USH2A: variants seen among roughly 807,000 people sequenced by gnomAD.
USH2A encodes the protein usherin.
USH2A carries 443 observed loss-of-function variants against 538.9 expected under a neutral mutation model. The ratio of observed to expected loss-of-function variants is 0.82; its 90% CI spans 0.76 to 0.89. The LOEUF (loss-of-function observed/expected upper bound fraction) is 0.89. Among genes scored for constraint, USH2A ranks in the 40% least tolerant of loss-of-function variants. The probability of loss-of-function intolerance (pLI) is 0.00; values close to 1 mark genes in which losing one functional copy is unlikely to be tolerated. For missense variants in USH2A, 6,633 were observed against 6,324.8 expected (o/e 1.05, Z -1.65); for synonymous variants, 2,413 against 2,273.5 (o/e 1.06, Z -1.75).
In USH2A at chr1:216,323,519, A is replaced by C; in HGVS notation, c.1505T>G (p.Leu502Arg). The change falls in exon 8 of 72, where the codon CTC becomes CGC. Residue 502 changes from leucine to arginine, a missense_variant. By Grantham distance (102) the Leu-to-Arg change is moderately radical. Coordinates refer to ENST00000307340, the MANE Select transcript of USH2A (RefSeq NM_206933.4). The part of the protein sequence containing the change: ...QYYTTETAVN[L>R]RHRYYAVDEI... Reference sequence around the variant, plus strand: ...GTCCACTGCATAATATCTGTGTCTGAGGTTAACAGCAGTCTCAGTTGTATA... The same window carrying C: ...GTCCACTGCATAATATCTGTGTCTGCGGTTAACAGCAGTCTCAGTTGTATA... The C allele has an allele frequency of 6.2e-7, 1 of 1,613,476 alleles. No individual in the cohort carries two copies. Among genetic ancestry groups the C allele is most frequent in the Non-Finnish European group, 8.5e-7 (1 of 1,179,716 alleles).
chr1:216,389,644 T>C (rs1471818140), intron 3 of USH2A, among the ~76,000 whole-genome samples: 1 of 152,184 alleles, frequency 6.6e-6, no homozygotes, highest in African/African-American at 2.4e-5. Flanking sequence ...GAGATTTATA[T>C]GCTATAAAGA....
intron 67 of USH2A, among the ~76,000 whole-genome samples, chr1:215,645,345 C>T (rs1275307837): frequency 6.6e-6 from 1 of 152,108 alleles, no homozygotes; most frequent in African/African-American, 2.4e-5. Context: ...AGAGTAATTA[C>T]TGCACTTACT....
At chr1:215,752,872 C>A (rs959724046) in intron 58 of USH2A, among the ~76,000 whole-genome samples, 1 of 152,118 alleles carries the variant, frequency 6.6e-6, no homozygotes, top group African/African-American at 2.4e-5. Context: ...AGTGAACAGG[C>A]AACCTACAGA....
At chr1:215,826,480 A>G (rs4545310) in intron 47 of USH2A, among the ~76,000 whole-genome samples, 56,601 of 152,094 alleles carry the variant, frequency 0.37, 11,143 homozygotes, top group Admixed American at 0.51. Flanking sequence ...AATAGGAAAG[A>G]AAGAGTAAGA....
At chr1:215,676,413 A>T (rs1658029533) in intron 62 of USH2A, among the ~76,000 whole-genome samples, 1 of 152,032 alleles carries the variant, frequency 6.6e-6, no homozygotes, top group South Asian at 2.1e-4. Context: ...TTGAACAGTG[A>T]TTTTCCAACC....
chr1:216,379,118 T>C lies in USH2A; in HGVS notation c.652-14033A>G, dbSNP rs2038887848. Among the ~76,000 whole-genome samples the C allele has an allele frequency of 2.0e-5, 3 of 152,144 alleles. No homozygotes were observed. The South Asian group carries it at 6.2e-4, about 31-fold the overall frequency. On this transcript the variant is annotated intron_variant, in intron 3 of 71. Transcript: ENST00000307340. ...CTTTCCACTCGCTGATGCCTGGTGA[T>C]GGGAAAGAGCATGAGAAGCTGACCC... is the stretch of plus-strand genomic sequence containing the variant.
At chr1:215,661,992 A>G (rs1657450386) in intron 64 of USH2A, among the ~76,000 whole-genome samples, 1 of 152,232 alleles carries the variant, frequency 6.6e-6, no homozygotes, top group Non-Finnish European at 1.5e-5. Context: ...TGACTTATCA[A>G]CTATAATTTA....
chr1:216,004,782 A>G (rs546503120), intron 32 of USH2A, among the ~76,000 whole-genome samples: 25 of 152,156 alleles, frequency 1.6e-4, no homozygotes, highest in Non-Finnish European at 3.4e-4. Context: ...AAAGAGAAAA[A>G]AATTGCTGGA....
intron 3 of USH2A, among the ~76,000 whole-genome samples, chr1:216,388,416 C>G (rs2039043909): frequency 6.6e-6 from 1 of 152,140 alleles, no homozygotes; most frequent in Non-Finnish European, 1.5e-5. Context: ...GTTGTTGCTG[C>G]TAGTAACCAA....
rs113475278 is a variant in USH2A at position 215,642,661 on chromosome 1, C to T, written c.14792-1927G>A. 1.6e-3 allele frequency among the ~76,000 whole-genome samples: 247 copies of T among 152,230 alleles called. 1 individual carries two copies. The highest frequency in any genetic ancestry group is 5.7e-3 in the African/African-American group (237 of 41,540). On this transcript the variant is annotated intron_variant, in intron 67 of 71. Transcript: ENST00000307340. ...TACATTTTACTACCGTCTGTGTGCT[C>T]GAGGTCATTTACATCCACTCTATCT...
At chr1:216,190,892 C>T (rs1178393446) in intron 19 of USH2A, among the ~76,000 whole-genome samples, 6 of 151,948 alleles carry the variant, frequency 3.9e-5, no homozygotes, top group Admixed American at 3.9e-4. Flanking sequence ...ACTGAGCATC[C>T]ACGTTAAGTC....
At chr1:215,824,634 G>A (rs1189873533) in intron 47 of USH2A, among the ~76,000 whole-genome samples, 1 of 152,108 alleles carries the variant, frequency 6.6e-6, no homozygotes, top group Non-Finnish European at 1.5e-5. Flanking sequence ...TTCCAGGGCT[G>A]GTGATGGTAG....
At chr1:216,422,844 C>T (rs1037379668) in intron 1 of USH2A, among the ~76,000 whole-genome samples, 7 of 151,128 alleles carry the variant, frequency 4.6e-5, no homozygotes, top group Non-Finnish European at 1.0e-4. Flanking sequence ...TAATATATTA[C>T]ACATACAATA....
At chr1:216,231,385 C>A (rs1193617575) in intron 14 of USH2A, among the ~76,000 whole-genome samples, 1 of 146,856 alleles carries the variant, frequency 6.8e-6, no homozygotes, top group Non-Finnish European at 1.5e-5. Context: ...TCCAGACTCT[C>A]AGCTTTTTGA....
chr1:216,358,259 A>G (rs2038424605), intron 4 of USH2A, among the ~76,000 whole-genome samples: 2 of 152,182 alleles, frequency 1.3e-5, no homozygotes, highest in South Asian at 4.1e-4. Flanking sequence ...AAACCTAATC[A>G]GAGAAAGACA....
At chr1:216,279,687 C>T (rs867592368) in intron 11 of USH2A, among the ~76,000 whole-genome samples, 1 of 152,142 alleles carries the variant, frequency 6.6e-6, no homozygotes, top group Non-Finnish European at 1.5e-5. Context: ...ACCATCTTGA[C>T]TACAGTGGCT....
intron 32 of USH2A, among the ~76,000 whole-genome samples, chr1:216,027,797 A>G (rs1032021911): frequency 6.6e-6 from 1 of 152,220 alleles, no homozygotes; most frequent in African/African-American, 2.4e-5. Context: ...TGTTGTCTCC[A>G]AGAATACATT....
At chr1:215,979,614 C>A in intron 35 of USH2A, among the ~76,000 whole-genome samples, 1 of 151,828 alleles carries the variant, frequency 6.6e-6, no homozygotes. Flanking sequence ...AGGAAGTAGT[C>A]GTGAATGAGG....
At chr1:216,146,198 C>T (rs566480427) in intron 21 of USH2A, among the ~76,000 whole-genome samples, 2 of 152,210 alleles carry the variant, frequency 1.3e-5, no homozygotes, top group Non-Finnish European at 2.9e-5. Flanking sequence ...ATTTCAAATC[C>T]GGTAAGCGGC....
Sources: gnomAD v4.1 joint callset for allele counts (sites outside exome capture counted in the v4.1 genomes callset) on GRCh38, gnomAD v4.1.1 for gene constraint, MANE v1.5 for transcripts, NCBI Gene and HGNC (gene_info 2026-07-23, HGNC 2026-07-21) for gene names.